The following MSR1 variants were observed in gnomAD, a reference collection of about 807,000 sequenced individuals.
The protein encoded by MSR1 is macrophage scavenger receptor types I and II.
MSR1 carries 53 observed loss-of-function variants against 47.2 expected under a neutral mutation model. That is an observed-to-expected ratio of 1.12 (90% CI 0.90 to 1.41). MSR1 has a LOEUF of 1.41. Among genes scored for constraint, MSR1 ranks in the 40% most tolerant of loss-of-function variants. The probability of loss-of-function intolerance (pLI) is 0.00; values close to 1 mark genes in which losing one functional copy is unlikely to be tolerated. For missense variants in MSR1, 786 were observed against 546.9 expected, an observed-to-expected ratio of 1.44 and a Z score of -4.36; for synonymous variants, 239 against 185.6, an observed-to-expected ratio of 1.29 and a Z score of -2.34.
At chr8:16,155,284 C>T in intron 5 of MSR1, 140 bp from the exon 6 acceptor site, 2 of 663,482 alleles carry the variant, frequency 3.0e-6, no homozygotes, top group Non-Finnish European at 5.3e-6. Flanking sequence ...TACTGAACTT[C>T]ATGAATGGAG....
intron 1 of MSR1, among the ~76,000 whole-genome samples, chr8:16,187,882 T>C (rs563927073): frequency 1.0e-3 from 159 of 152,304 alleles, no homozygotes; most frequent in African/African-American, 3.8e-3. Flanking sequence ...TTATTAAAAT[T>C]ACCAGATTAT....
At chr8:16,114,562 G>C (rs1280912752) in intron 9 of MSR1, among the ~76,000 whole-genome samples, 1 of 151,938 alleles carries the variant, frequency 6.6e-6, no homozygotes, top group Non-Finnish European at 1.5e-5. Context: ...CCTGGATACG[G>C]GGCAAAAAGT....
At chr8:16,135,665 G>T (rs1800371276) in intron 8 of MSR1, among the ~76,000 whole-genome samples, 1 of 152,164 alleles carries the variant, frequency 6.6e-6, no homozygotes, top group African/African-American at 2.4e-5. Context: ...AACTGACACA[G>T]AGAGTGATTC....
chr8:16,168,936 C>T (rs967715671), intron 3 of MSR1, 66 bp from the exon 4 acceptor site: 124 of 1,421,984 alleles, frequency 8.7e-5, no homozygotes, highest in Admixed American at 2.2e-4. Context: ...GATCCCATCC[C>T]ATATCATTCC....
chr8:16,118,835 A>G (rs777894731), intron 9 of MSR1, among the ~76,000 whole-genome samples: 1 of 152,188 alleles, frequency 6.6e-6, no homozygotes, highest in Non-Finnish European at 1.5e-5. Context: ...AAAACAAAAA[A>G]GAAAAACAAA....
At chr8:16,128,403 C>G (rs1268357355) in intron 8 of MSR1, among the ~76,000 whole-genome samples, 1 of 151,976 alleles carries the variant, frequency 6.6e-6, no homozygotes, top group African/African-American at 2.4e-5. Flanking sequence ...GATAAAGACA[C>G]CAGGAGCTCA....
Position 16,168,662 on chromosome 8 carries a change from T to C in MSR1, c.426A>G (p.Gln142=), listed in dbSNP as rs1486063689. The change falls in exon 4 of 10, where the codon CAA becomes CAG. Residue 142 remains glutamine, a synonymous_variant. Coordinates refer to ENST00000262101, the MANE Select transcript of MSR1 (RefSeq NM_138715.3). The part of the protein sequence containing the change: ...EANLMDTEHF[Q]NFSMTTDQRF... ...TTTGATCAGTTGTCATGCTGAAATT[T>C]TGGAAATGCTCTGTGTCCATGAGGT... is the stretch of plus-strand genomic sequence containing the variant. 1.9e-6 allele frequency: 3 copies of C among 1,614,152 alleles called. No homozygotes were observed. Among genetic ancestry groups the C allele is most frequent in the Middle Eastern group, 1.6e-4 (1 of 6,062 alleles).
intron 8 of MSR1, among the ~76,000 whole-genome samples, chr8:16,122,175 A>G (rs1335608594): frequency 6.6e-6 from 1 of 152,134 alleles, no homozygotes; most frequent in East Asian, 1.9e-4. Context: ...TAATAAGCAT[A>G]AGTTAAAAAC....
In MSR1 at chr8:16,174,918, C is replaced by G. The variant is rs188053079; in HGVS notation, c.217+269G>C. 3.0e-3 allele frequency among the ~76,000 whole-genome samples: 460 copies of G among 152,104 alleles called. 1 individual carries two copies. The highest frequency in any genetic ancestry group is 0.01 in the African/African-American group (434 of 41,518). On this transcript the variant is annotated intron_variant, in intron 3 of 9. Coordinates refer to ENST00000262101, the MANE Select transcript of MSR1 (RefSeq NM_138715.3). Reference sequence around the variant, plus strand: ...GGATAATATATTTTTGAAAGAGCGTCCTTTTCATTTTACTATTACAAATCT... The same window carrying G: ...GGATAATATATTTTTGAAAGAGCGTGCTTTTCATTTTACTATTACAAATCT...
At chr8:16,138,322 T>A (rs1320199025) in intron 8 of MSR1, among the ~76,000 whole-genome samples, 1 of 152,150 alleles carries the variant, frequency 6.6e-6, no homozygotes, top group East Asian at 1.9e-4. Context: ...GACTGAAACA[T>A]CACTCTTCCG....
intron 4 of MSR1, among the ~76,000 whole-genome samples, chr8:16,165,695 C>T (rs1366686744): frequency 6.6e-6 from 1 of 152,090 alleles, no homozygotes; most frequent in South Asian, 2.1e-4. Flanking sequence ...CTCTCTTGAG[C>T]TGGACTAGAC....
At chr8:16,140,825 C>T in intron 8 of MSR1, 3 of 1,544,182 alleles carry the variant, frequency 1.9e-6, no homozygotes, top group Non-Finnish European at 2.6e-6. Flanking sequence ...GAGGCCCAAA[C>T]AGCACCAGGG....
At chr8:16,160,719 G>A (rs537349150) in intron 5 of MSR1, among the ~76,000 whole-genome samples, 8 of 151,966 alleles carry the variant, frequency 5.3e-5, no homozygotes, top group Non-Finnish European at 1.2e-4. Context: ...AACCTTTCAA[G>A]AGAAAGAGAA....
chr8:16,182,680 A>G (rs1801869385), intron 1 of MSR1, among the ~76,000 whole-genome samples: 1 of 151,958 alleles, frequency 6.6e-6, no homozygotes, highest in African/African-American at 2.4e-5. Context: ...CTTCCCCTCC[A>G]TATCTTCTCC....
chr8:16,166,458 G>A (rs34875875), intron 4 of MSR1, among the ~76,000 whole-genome samples: 1,682 of 152,028 alleles, frequency 0.011, 30 homozygotes, highest in African/African-American at 0.038. Flanking sequence ...ACTGCGCCTG[G>A]CAGCTGAGGC....
chr8:16,116,559 G>C (rs887881698), intron 9 of MSR1, among the ~76,000 whole-genome samples: 1 of 151,998 alleles, frequency 6.6e-6, no homozygotes, highest in Non-Finnish European at 1.5e-5. Context: ...CTTCACATGA[G>C]ACTAAACTCT....
intron 8 of MSR1, chr8:16,141,222 G>A: frequency 6.1e-6 from 4 of 660,350 alleles, no homozygotes; most frequent in South Asian, 5.9e-5. Context: ...GCTTTTAGCA[G>A]CCATTTACAA....
Position 16,173,516 on chromosome 8 carries a change from G to T in MSR1, c.217+1671C>A, listed in dbSNP as rs546973601. On this transcript the variant is annotated intron_variant, in intron 3 of 9. Transcript: ENST00000262101. ...AATTGTTTAATGCCAAACGTGTCAG[G>T]TCCTTTTACTCAGACAACAATAGTT... Among the ~76,000 whole-genome samples, 24 of 152,260 alleles carry T rather than the reference G, an allele frequency of 1.6e-4. 1 individual carries two copies. The highest frequency in any genetic ancestry group is 5.2e-4 in the Admixed American group (8 of 15,300).
chr8:16,122,144 G>C (rs983572343), intron 8 of MSR1, among the ~76,000 whole-genome samples: 1 of 152,038 alleles, frequency 6.6e-6, no homozygotes, highest in African/African-American at 2.4e-5. Flanking sequence ...GCATGCCTGA[G>C]TGGATAAGTC....
Sources: allele counts gnomAD v4.1 joint callset (sites outside exome capture counted in the v4.1 genomes callset), GRCh38; gene constraint gnomAD v4.1.1; transcripts MANE v1.5; gene names NCBI Gene and HGNC (gene_info 2026-07-23, HGNC 2026-07-21).